The following POU2F1 variants were observed in gnomAD, a reference collection of about 807,000 sequenced individuals.
POU2F1 encodes the protein POU class 2 homeobox 1.
POU2F1 carries 16 observed loss-of-function variants against 84.9 expected under a neutral mutation model. The ratio of observed to expected loss-of-function variants is 0.19; its 90% CI spans 0.13 to 0.29. The LOEUF is 0.29. Among genes scored for constraint, POU2F1 ranks in the 10% least tolerant of loss-of-function variants. The probability of loss-of-function intolerance (pLI) is 1.00; values close to 1 mark genes in which losing one functional copy is unlikely to be tolerated. For missense variants in POU2F1, 738 were observed against 942.6 expected, an observed-to-expected ratio of 0.78 and a Z score of 2.84; for synonymous variants, 368 against 368.3, an observed-to-expected ratio of 1.00 and a Z score of 0.01.
intron 1 of POU2F1, among the ~76,000 whole-genome samples, chr1:167,239,267 G>A (rs943371315): frequency 4.6e-5 from 7 of 152,136 alleles, no homozygotes; most frequent in African/African-American, 1.4e-4. Context: ...TACTTTAAAA[G>A]TATTTTTAAA....
At position 167,220,921 on chromosome 1, in the gene POU2F1, T is replaced by A. The variant is rs959757229; in HGVS notation, c.24T>A (p.Ser8Arg). Residue 8 changes from serine to arginine, a missense_variant, in exon 1 of 16, where the codon AGT becomes AGA. Physicochemically the swap from Ser to Arg is moderately radical, Grantham distance 110. Coordinates refer to ENST00000367866, the MANE Select transcript of POU2F1 (RefSeq NM_002697.4). ...AAATGGCGGACGGAGGAGCAGCGAG[T>A]CAAGATGAGAGTTCAGCCGCGGCGG... Reference protein sequence around the residue: MADGGAASQDESSAAAAA... With the variant: MADGGAARQDESSAAAAA... The A allele has an allele frequency of 2.0e-5, 30 of 1,534,620 alleles. No homozygotes were observed. Among genetic ancestry groups the A allele is most frequent in the Non-Finnish European group, 2.5e-5 (29 of 1,146,652 alleles).
rs1649211113 is a variant in POU2F1, at chr1:167,401,576, T to C, written c.1555+20T>C. ...TTACAGGTAAGCAGCTGCCAGGCCATGCACCTGCTGAGCACATGGGAGGCC... is the reference window on the plus strand; with the variant it reads ...TTACAGGTAAGCAGCTGCCAGGCCACGCACCTGCTGAGCACATGGGAGGCC... On this transcript the variant is annotated intron_variant, in intron 13 of 15. Coordinates refer to ENST00000367866, the MANE Select transcript of POU2F1 (RefSeq NM_002697.4). The C allele has an allele frequency of 1.3e-6, 2 of 1,561,526 alleles. No homozygotes were observed. The highest frequency in any genetic ancestry group is 1.8e-5 in the Admixed American group (1 of 56,346).
chr1:167,415,425 G>A (rs1224498949), intron 15 of POU2F1, 75 bp from the exon 16 acceptor site: 4 of 1,466,898 alleles, frequency 2.7e-6, no homozygotes, highest in Non-Finnish European at 3.7e-6. Context: ...ATAGACTTTT[G>A]ATGTGTTATT....
Sources: gnomAD v4.1 joint callset for allele counts (sites outside exome capture counted in the v4.1 genomes callset) on GRCh38, gnomAD v4.1.1 for gene constraint, MANE v1.5 for transcripts, NCBI Gene and HGNC (gene_info 2026-07-23, HGNC 2026-07-21) for gene names.